The following ABHD6 variants were observed in gnomAD, a reference collection of about 807,000 sequenced individuals.
ABHD6 encodes the protein abhydrolase domain containing 6, acylglycerol lipase.
Under a neutral mutation model 38.8 loss-of-function variants are expected in ABHD6, and 33 were observed. The observed-to-expected ratio is 0.85, with a 90% CI of 0.64 to 1.14. ABHD6 has a LOEUF of 1.14. Among genes scored for constraint, ABHD6 ranks in the 50% most tolerant of loss-of-function variants. The probability of loss-of-function intolerance (pLI) is 0.00; values close to 1 mark genes in which losing one functional copy is unlikely to be tolerated. For synonymous variants in ABHD6, 147 were observed against 161.6 expected (o/e 0.91, Z 0.69); for missense variants, 380 against 422.6 (o/e 0.90, Z 0.88).
chr3:58,266,037 T>C lies in ABHD6; in HGVS notation c.120-1152T>C, dbSNP rs983106559. On this transcript the variant is annotated intron_variant, in intron 3 of 9. Transcript: ENST00000478253. This position sits in a 1 kb window ranked among gnomAD's most constrained non-coding sequence, Gnocchi z 4.0. ...TGAATGGATGAACAAAGTCGTGTTA[T>C]GATTTAGAATTTTGAAATACGCTTG... Among the ~76,000 whole-genome samples, 4 of 152,252 alleles carry C rather than the reference T, an allele frequency of 2.6e-5. No individual in the cohort carries two copies. The highest frequency in any genetic ancestry group is 6.5e-5 in the Admixed American group (1 of 15,286).
At position 58,293,188 on chromosome 3, in the gene ABHD6, C is replaced by T. The variant is rs74469004; in HGVS notation, c.838-401C>T. On this transcript the variant is annotated intron_variant, in intron 9 of 9. Transcript: ENST00000478253. The surrounding 1 kb of genome is among the most constrained non-coding windows in gnomAD (Gnocchi z 4.4). ...CCTGCACTCGCCATGATCTCCCACC[C>T]TGTGCCATTCCCACATCCGTGAATG... is the stretch of plus-strand genomic sequence containing the variant. 6.6e-6 allele frequency among the ~76,000 whole-genome samples: 1 copy of T among 152,142 alleles called. No homozygotes were observed. The highest frequency in any genetic ancestry group is 6.5e-5 in the Admixed American group (1 of 15,270).
At chr3:58,250,621 C>T (rs1207184054) in intron 2 of ABHD6, among the ~76,000 whole-genome samples, 3 of 151,898 alleles carry the variant, frequency 2.0e-5, no homozygotes, top group Non-Finnish European at 2.9e-5. Flanking sequence ...AGCTGCGGTC[C>T]GAATCATACA....
At chr3:58,249,018 C>A (rs2097428291) in intron 1 of ABHD6, among the ~76,000 whole-genome samples, 1 of 152,082 alleles carries the variant, frequency 6.6e-6, no homozygotes, top group Admixed American at 6.6e-5. Context: ...CTGTTCAGAT[C>A]ATTTGCTCAT....
chr3:58,243,149 C>G (rs2097424032), intron 1 of ABHD6, among the ~76,000 whole-genome samples: 1 of 152,136 alleles, frequency 6.6e-6, no homozygotes, highest in Non-Finnish European at 1.5e-5. Context: ...GGTTCCAAGT[C>G]TTTGCTATTG....
chr3:58,267,223 T>C lies in ABHD6; in HGVS notation c.154T>C (p.Tyr52His), dbSNP rs376415343. ...WRRTLGMQVR[Y>H]VHHEDYQFCY... ...GAGGACATTGGGCATGCAAGTCCGC[T>C]ATGTTCACCATGAAGACTATCAGTT... The change falls in exon 4 of 10, where the codon TAT becomes CAT. Residue 52 changes from tyrosine to histidine, a missense_variant. Coordinates refer to ENST00000478253, the MANE Select transcript of ABHD6 (RefSeq NM_001320126.2). The surrounding 1 kb of genome is among the most constrained non-coding windows in gnomAD (Gnocchi z 4.3). The C allele has an allele frequency of 1.2e-5, 19 of 1,614,098 alleles. No individual in the cohort carries two copies. The highest frequency in any genetic ancestry group is 1.6e-4 in the Middle Eastern group (1 of 6,084).
chr3:58,291,161 G>A (rs1392540936), intron 9 of ABHD6, among the ~76,000 whole-genome samples: 2 of 149,804 alleles, frequency 1.3e-5, no homozygotes, highest in African/African-American at 2.5e-5. Context: ...CGGATCACTC[G>A]CGGTTAGGAG....
chr3:58,244,462 G>A (rs1415171907), intron 1 of ABHD6, among the ~76,000 whole-genome samples: 1 of 152,150 alleles, frequency 6.6e-6, no homozygotes, highest in Non-Finnish European at 1.5e-5. Context: ...ACAAAATGAA[G>A]TCTTTGTTCT....
chr3:58,274,925 C>T (rs537882600), intron 7 of ABHD6, 110 bp downstream of exon 7: 9 of 1,310,028 alleles, frequency 6.9e-6, no homozygotes, highest in South Asian at 6.8e-5. Context: ...ACTTCTTGTC[C>T]TCTTCTGCAT....
intron 2 of ABHD6, among the ~76,000 whole-genome samples, chr3:58,254,875 CACACACACAT>C (rs1190856814): frequency 1.3e-5 from 2 of 151,236 alleles, no homozygotes; most frequent in African/African-American, 4.9e-5. Flanking sequence ...CACACACACA[CACACACACAT>C]ATATATATAT....
rs1363977658 is a variant in ABHD6, at chr3:58,262,595, T to C, written c.120-4594T>C. Among the ~76,000 whole-genome samples the C allele has an allele frequency of 2.0e-5, 3 of 152,260 alleles. No homozygotes were observed. In the East Asian group the frequency reaches 5.8e-4, roughly 29 times the overall value. On this transcript the variant is annotated intron_variant, in intron 3 of 9. Transcript: ENST00000478253. ...TTCATCCCACCTTAATTCTTCTCTT[T>C]GTTTCTGTTCTGTAAGGTTCTGCTT...
chr3:58,244,694 G>A (rs2097425080), intron 1 of ABHD6, among the ~76,000 whole-genome samples: 1 of 152,018 alleles, frequency 6.6e-6, no homozygotes, highest in Non-Finnish European at 1.5e-5. Flanking sequence ...GGCCCAGGAG[G>A]TCGAGGCTGC....
At chr3:58,289,649 A>G (rs2097460131) in intron 9 of ABHD6, among the ~76,000 whole-genome samples, 1 of 152,230 alleles carries the variant, frequency 6.6e-6, no homozygotes, top group African/African-American at 2.4e-5. Flanking sequence ...CTACACAGAC[A>G]CGGCAACCAT....
chr3:58,244,980 G>A (rs1327370552), intron 1 of ABHD6, among the ~76,000 whole-genome samples: 3 of 152,158 alleles, frequency 2.0e-5, no homozygotes, highest in African/African-American at 7.2e-5. Context: ...CTCTGGGAAG[G>A]AGATTCTGGC....
At chr3:58,272,051 G>A (rs558838770) in intron 6 of ABHD6, among the ~76,000 whole-genome samples, 1 of 152,122 alleles carries the variant, frequency 6.6e-6, no homozygotes, top group South Asian at 2.1e-4. Context: ...TGATCTGCCC[G>A]CCTCCACCTC....
intron 7 of ABHD6, among the ~76,000 whole-genome samples, 166 bp from the exon 8 acceptor site, chr3:58,284,919 C>T (rs2097455833): frequency 6.6e-6 from 1 of 152,132 alleles, no homozygotes; most frequent in Admixed American, 6.6e-5. Context: ...CCTAACTCCC[C>T]ATTAGACTGT....
Position 58,267,243 on chromosome 3 carries a change from T to A in ABHD6, c.174T>A (p.Tyr58Ter). 1 of 1,614,206 alleles carries A rather than the reference T, an allele frequency of 6.2e-7. No homozygotes were observed. Among genetic ancestry groups the A allele is most frequent in the Non-Finnish European group, 8.5e-7 (1 of 1,180,028 alleles). ...TCCGCTATGTTCACCATGAAGACTA[T>A]CAGTTCTGTTATTCCTTCCGGGGCA... ...MQVRYVHHED[Y>*]QFCYSFRGRP... The change falls in exon 4 of 10, where the codon TAT (tyrosine) becomes TAA (stop). Residue 58 changes from tyrosine to a stop codon, truncating the protein, a stop_gained. Coordinates refer to ENST00000478253, the MANE Select transcript of ABHD6 (RefSeq NM_001320126.2). LOFTEE classifies it high-confidence loss of function. This position sits in a 1 kb window ranked among gnomAD's most constrained non-coding sequence, Gnocchi z 4.3.
chr3:58,262,667 C>G (rs374474056), intron 3 of ABHD6, among the ~76,000 whole-genome samples: 1 of 152,204 alleles, frequency 6.6e-6, no homozygotes, highest in South Asian at 2.1e-4. Context: ...TATCATTAAA[C>G]CAAAGAAGAT....
chr3:58,249,487 C>T (rs1431808660), intron 1 of ABHD6, among the ~76,000 whole-genome samples: 1 of 152,190 alleles, frequency 6.6e-6, no homozygotes, highest in Non-Finnish European at 1.5e-5. Context: ...CAATATTATC[C>T]TCACTTGCCC....
rs145187715 is a variant in ABHD6 at position 58,242,604 on chromosome 3, G to A, written c.-91+4688G>A. On this transcript the variant is annotated intron_variant, in intron 1 of 9. Coordinates refer to ENST00000478253, the MANE Select transcript of ABHD6 (RefSeq NM_001320126.2). ...GCTTATCATTTGGCATTGACCAAGT[G>A]TCTGCCAAGGGCAAGGCACAGTGTA... is the stretch of plus-strand genomic sequence containing the variant. Among the ~76,000 whole-genome samples the A allele has an allele frequency of 6.1e-4, 93 of 152,308 alleles. No homozygotes were observed. The East Asian group carries it at 0.016, about 27-fold the overall frequency.
Sources: allele counts gnomAD v4.1 joint callset (sites outside exome capture counted in the v4.1 genomes callset), GRCh38; gene constraint gnomAD v4.1.1; non-coding constraint Gnocchi (gnomAD v3.1); transcripts MANE v1.5; gene names NCBI Gene and HGNC (gene_info 2026-07-23, HGNC 2026-07-21).